Variants in RBMS3 observed in about 807,000 individuals in gnomAD.
RBMS3 encodes the protein RNA binding motif single stranded interacting protein 3.
RBMS3 carries 27 observed loss-of-function variants against 66.8 expected under a neutral mutation model. The observed-to-expected ratio is 0.40, with a 90% confidence interval of 0.30 to 0.56. The LOEUF is 0.56. Ranked by LOEUF, RBMS3 falls within the 20% of genes least tolerant of loss-of-function variation. RBMS3 has a pLI of 0.40. For synonymous variants in RBMS3, 188 were observed against 183.0 expected (o/e 1.03, Z -0.22); for missense variants, 513 against 549.5 (o/e 0.93, Z 0.66).
intron 1 of RBMS3, among the ~76,000 whole-genome samples, chr3:29,394,520 G>A (rs1256575728): frequency 2.0e-5 from 3 of 152,174 alleles, no homozygotes; most frequent in Admixed American, 1.3e-4. Context: ...AGTATTGATT[G>A]AGAAAGTGAT....
intron 7 of RBMS3, among the ~76,000 whole-genome samples, chr3:29,875,069 G>T (rs2059580076): frequency 6.6e-6 from 1 of 152,124 alleles, no homozygotes; most frequent in Non-Finnish European, 1.5e-5. Context: ...GGAAAAGTTG[G>T]CAGGAAATAT....
intron 5 of RBMS3, among the ~76,000 whole-genome samples, chr3:29,741,591 A>T (rs1024286988): frequency 1.3e-4 from 20 of 152,214 alleles, no homozygotes; most frequent in Non-Finnish European, 2.4e-4. Flanking sequence ...ATGCATTTCA[A>T]ATTCATTAAG....
At chr3:29,734,468 A>G (rs2054288906) in intron 4 of RBMS3, among the ~76,000 whole-genome samples, 1 of 152,162 alleles carries the variant, frequency 6.6e-6, no homozygotes, top group Non-Finnish European at 1.5e-5. Context: ...CCCTGATTCA[A>G]TCATTACACT....
At position 29,719,669 on chromosome 3, in the gene RBMS3, A is replaced by G. The variant is rs1256033794; in HGVS notation, c.400-20051A>G. ...CCTCACATTTGGCCCTCCATCTTCT[A>G]TGATAATCAATAGTAGCTGTGGGCC... On this transcript the variant is annotated intron_variant, in intron 4 of 14. Transcript: ENST00000383767. 2.6e-5 allele frequency among the ~76,000 whole-genome samples: 4 copies of G among 152,274 alleles called. No individual in the cohort carries two copies. In the East Asian group the frequency reaches 5.8e-4, roughly 22 times the overall value.
chr3:29,891,091 G>A (rs950670151), intron 8 of RBMS3, among the ~76,000 whole-genome samples: 2 of 151,502 alleles, frequency 1.3e-5, no homozygotes, highest in African/African-American at 2.4e-5. Context: ...AGTATCTTAA[G>A]CAAGTATGTG....
intron 8 of RBMS3, among the ~76,000 whole-genome samples, chr3:29,886,075 T>G (rs2059862312): frequency 6.6e-6 from 1 of 151,872 alleles, no homozygotes; most frequent in Admixed American, 6.6e-5. Context: ...TTAAACATCA[T>G]AATATTTCTA....
intron 6 of RBMS3, among the ~76,000 whole-genome samples, chr3:29,800,292 G>C (rs547620042): frequency 6.6e-6 from 1 of 152,162 alleles, no homozygotes; most frequent in South Asian, 2.1e-4. Context: ...GTCAGGAAGG[G>C]AGAGGAGGGA....
intron 1 of RBMS3, among the ~76,000 whole-genome samples, chr3:29,331,240 G>C (rs2035635062): frequency 6.6e-6 from 1 of 152,062 alleles, no homozygotes; most frequent in Non-Finnish European, 1.5e-5. Flanking sequence ...CTGGGTGTTT[G>C]ACTTGTGCAG....
intron 1 of RBMS3, among the ~76,000 whole-genome samples, chr3:29,363,721 C>T (rs1315895249): frequency 3.3e-5 from 5 of 150,752 alleles, no homozygotes; most frequent in South Asian, 2.1e-4. Flanking sequence ...ACCCAGGAGG[C>T]GGAGGTTGTG....
intron 14 of RBMS3, among the ~76,000 whole-genome samples, chr3:30,001,172 A>C (rs546245548): frequency 6.6e-6 from 1 of 152,192 alleles, no homozygotes; most frequent in Non-Finnish European, 1.5e-5. Context: ...TGGGTTCCCT[A>C]ACCACTTCTT....
chr3:29,335,265 C>T (rs1486018299), intron 1 of RBMS3, among the ~76,000 whole-genome samples: 1 of 152,116 alleles, frequency 6.6e-6, no homozygotes, highest in Non-Finnish European at 1.5e-5. Context: ...TTGATTCAAT[C>T]TCCAATGATA....
At chr3:29,348,710 C>A (rs1369805236) in intron 1 of RBMS3, among the ~76,000 whole-genome samples, 1 of 152,124 alleles carries the variant, frequency 6.6e-6, no homozygotes, top group African/African-American at 2.4e-5. Context: ...TCGTAAACTC[C>A]CTGAGCTCCA....
At chr3:29,347,056 C>T (rs2036619176) in intron 1 of RBMS3, among the ~76,000 whole-genome samples, 1 of 152,102 alleles carries the variant, frequency 6.6e-6, no homozygotes, top group South Asian at 2.1e-4. Flanking sequence ...CCTTTGGCTA[C>T]ATGAACAAGG....
chr3:29,992,382 A>C (rs968143936), intron 14 of RBMS3, among the ~76,000 whole-genome samples: 85 of 152,170 alleles, frequency 5.6e-4, no homozygotes, highest in South Asian at 8.3e-4. Context: ...GTCAGGAGAT[A>C]GAGACCATCC....
intron 6 of RBMS3, among the ~76,000 whole-genome samples, chr3:29,783,474 C>T (rs1408301486): frequency 6.6e-6 from 1 of 152,064 alleles, no homozygotes; most frequent in Non-Finnish European, 1.5e-5. Context: ...AAGATACAGT[C>T]TTTTCCAGAC....
At chr3:29,286,798 C>A (rs960300865) in intron 1 of RBMS3, among the ~76,000 whole-genome samples, 1 of 151,898 alleles carries the variant, frequency 6.6e-6, no homozygotes, top group African/African-American at 2.4e-5. Context: ...CACAATTATG[C>A]CCATGTCAAA....
At chr3:29,517,295 GTGTGTGTGTGTGTA>G (rs1233656473) in intron 3 of RBMS3, among the ~76,000 whole-genome samples, 2 of 137,854 alleles carry the variant, frequency 1.5e-5, no homozygotes, top group African/African-American at 3.0e-5. Flanking sequence ...GTGTGTGTGT[GTGTGTGTGTGTGTA>G]TATATATATA....
chr3:29,486,557 T>G (rs1196492174), intron 2 of RBMS3, among the ~76,000 whole-genome samples: 1 of 152,190 alleles, frequency 6.6e-6, no homozygotes, highest in Admixed American at 6.5e-5. Flanking sequence ...AAAATTCTTT[T>G]TCTTTGTTTA....
intron 10 of RBMS3, among the ~76,000 whole-genome samples, chr3:29,912,219 C>T (rs760435467): frequency 2.0e-4 from 31 of 152,012 alleles, no homozygotes; most frequent in South Asian, 4.2e-4. Context: ...ATATTTCTCC[C>T]GTTCTATTTT....
Sources: gnomAD v4.1 joint callset for allele counts (sites outside exome capture counted in the v4.1 genomes callset) on GRCh38, gnomAD v4.1.1 for gene constraint, MANE v1.5 for transcripts, NCBI Gene and HGNC (gene_info 2026-07-23, HGNC 2026-07-21) for gene names.